The following GCNT2 variants were observed in gnomAD, a reference collection of about 807,000 sequenced individuals.
GCNT2 encodes the protein N-acetyllactosaminide beta-1,6-N-acetylglucosaminyl-transferase.
A neutral mutation model predicts 34.2 loss-of-function variants in GCNT2; 34 were observed. That is an observed-to-expected ratio of 1.00 (90% CI 0.76 to 1.32). The LOEUF (loss-of-function observed/expected upper bound fraction) is 1.32, where lower values mean the gene tolerates loss of function less well. Ranked by LOEUF, GCNT2 falls within the 40% of genes most tolerant of loss-of-function variation. GCNT2 has a pLI of 0.00. For synonymous variants in GCNT2, 212 were observed against 188.0 expected (o/e 1.13, Z -1.04); for missense variants, 584 against 489.4 (o/e 1.19, Z -1.82).
intron 3 of GCNT2, among the ~76,000 whole-genome samples, chr6:10,544,639 TA>T (rs1762185537): frequency 7.3e-6 from 1 of 136,894 alleles, no homozygotes; most frequent in South Asian, 2.3e-4. Context: ...AAATATTAAA[TA>T]AATAAATAAA....
At chr6:10,538,362 C>T (rs900818241) in intron 3 of GCNT2, among the ~76,000 whole-genome samples, 3 of 132,352 alleles carry the variant, frequency 2.3e-5, no homozygotes, top group East Asian at 4.4e-4. Flanking sequence ...GAGCTGAGAT[C>T]GCACCATTGC....
rs529295797 is a variant in GCNT2, at chr6:10,627,646, G to C, written c.*1039G>C. ...ATTCAGCCTTCAATCAACATCTCTT[G>C]AGTGTCTATTATGTACAGGACATGT... On this transcript the variant is annotated 3_prime_UTR_variant, in exon 5 of 5. Coordinates refer to ENST00000495262, the MANE Select transcript of GCNT2 (RefSeq NM_145649.5). 5.9e-5 allele frequency: 9 copies of C among 152,168 alleles called. No individual in the cohort carries two copies. The highest frequency in any genetic ancestry group is 1.7e-4 in the African/African-American group (7 of 41,482). The allele number at this position is 152,168 out of a possible 1,614,324, so 9.4% of individuals were successfully genotyped here.
rs374599892 is a variant in GCNT2, at chr6:10,529,286, T to C, written c.375T>C (p.Cys125=). 65 of 1,614,022 alleles carry C rather than the reference T, an allele frequency of 4.0e-5. No individual in the cohort carries two copies. The highest frequency in any genetic ancestry group is 1.3e-5 in the African/African-American group (1 of 74,906). The change falls in exon 3 of 5, where the codon TGT becomes TGC. Residue 125 remains cysteine (C), a synonymous_variant. Coordinates refer to ENST00000495262, the MANE Select transcript of GCNT2 (RefSeq NM_145649.5). Reference sequence around the variant, plus strand: ...TTTATATGCCCCAAAATGTCTACTGTGTGCACCTGGATCAGAAGGCGACGG... The same window carrying C: ...TTTATATGCCCCAAAATGTCTACTGCGTGCACCTGGATCAGAAGGCGACGG... ...RAIYMPQNVY[C]VHLDQKATDA... is the part of the protein sequence containing the mutation.
chr6:10,591,779 T>C (rs891873106), intron 3 of GCNT2, among the ~76,000 whole-genome samples: 21 of 152,086 alleles, frequency 1.4e-4, no homozygotes, highest in Non-Finnish European at 2.8e-4. Context: ...AAACCAAGAC[T>C]ATAAGAATAT....
intron 3 of GCNT2, among the ~76,000 whole-genome samples, chr6:10,579,833 A>C (rs1209205043): frequency 2.7e-5 from 4 of 148,802 alleles, no homozygotes; most frequent in African/African-American, 1.0e-4. Context: ...AAACAAAAAA[A>C]AAAAAAAAAA....
intron 3 of GCNT2, among the ~76,000 whole-genome samples, chr6:10,590,810 C>T (rs1157811103): frequency 6.6e-6 from 1 of 152,182 alleles, no homozygotes; most frequent in Non-Finnish European, 1.5e-5. Flanking sequence ...CCTCGGCCTC[C>T]CAAAGTGCTG....
At chr6:10,578,445 CTTTTTT>C (rs1211582798) in intron 3 of GCNT2, among the ~76,000 whole-genome samples, 1 of 103,948 alleles carries the variant, frequency 9.6e-6, no homozygotes, top group Non-Finnish European at 1.9e-5. Flanking sequence ...AGCTTACATT[CTTTTTT>C]TTTTTTTTTT....
At chr6:10,615,312 G>A (rs918655465) in intron 3 of GCNT2, among the ~76,000 whole-genome samples, 4 of 152,094 alleles carry the variant, frequency 2.6e-5, no homozygotes, top group African/African-American at 4.8e-5. Context: ...GAGGCCTGGC[G>A]TGGGTCTCAA....
At chr6:10,569,186 A>G (rs1469964933) in intron 3 of GCNT2, among the ~76,000 whole-genome samples, 5 of 138,174 alleles carry the variant, frequency 3.6e-5, no homozygotes. Context: ...TGCCTAGTCA[A>G]CTTCAAATCA....
rs764632923 is a variant in GCNT2, at chr6:10,529,485, G to A, written c.574G>A (p.Gly192Arg). The change falls in exon 3 of 5, where the codon GGG (glycine) becomes AGG (arginine). Residue 192 changes from glycine (G) to arginine (R), a missense_variant. Physicochemically the swap from Gly to Arg is moderately radical, Grantham distance 125. Transcript: ENST00000495262. ...VPWKYVINTC[G>R]QDFPLKTNRE... is the part of the protein sequence containing the mutation. ...CTGGAAGTATGTCATCAACACCTGC[G>A]GGCAAGACTTTCCCCTGAAAACCAA... is the stretch of plus-strand genomic sequence containing the variant. 7 of 1,613,982 alleles carry A rather than the reference G, an allele frequency of 4.3e-6. No individual in the cohort carries two copies. Among genetic ancestry groups the A allele is most frequent in the East Asian group, 2.2e-5 (1 of 44,876 alleles).
At chr6:10,604,403 A>G (rs1205792861) in intron 3 of GCNT2, among the ~76,000 whole-genome samples, 1 of 152,214 alleles carries the variant, frequency 6.6e-6, no homozygotes, top group Admixed American at 6.5e-5. Context: ...ACACTAGCTA[A>G]TTTGAGGGAG....
intron 3 of GCNT2, among the ~76,000 whole-genome samples, chr6:10,615,324 TTC>T: frequency 6.6e-6 from 1 of 152,114 alleles, no homozygotes; most frequent in East Asian, 1.9e-4. Context: ...GGGTCTCAAT[TTC>T]TTTTTTGAGA....
intron 3 of GCNT2, among the ~76,000 whole-genome samples, chr6:10,588,947 GT>G (rs1240349513): frequency 1.4e-5 from 2 of 147,746 alleles, no homozygotes; most frequent in Non-Finnish European, 3.0e-5. Context: ...CGGTGTGTGT[GT>G]TTGTAGTGTG....
intron 3 of GCNT2, among the ~76,000 whole-genome samples, chr6:10,583,697 G>C (rs2127410265): frequency 6.6e-6 from 1 of 152,294 alleles, no homozygotes; most frequent in South Asian, 2.1e-4. Context: ...AAGGAAGTTG[G>C]AGAGGGGGTT....
At chr6:10,610,101 G>GC (rs2127434917) in intron 3 of GCNT2, among the ~76,000 whole-genome samples, 1 of 152,348 alleles carries the variant, frequency 6.6e-6, no homozygotes, top group East Asian at 1.9e-4. Flanking sequence ...GAGATGTTGA[G>GC]CACCTGAGTG....
At chr6:10,583,357 T>A (rs770490717) in intron 3 of GCNT2, among the ~76,000 whole-genome samples, 30 of 152,172 alleles carry the variant, frequency 2.0e-4, no homozygotes, top group Non-Finnish European at 3.2e-4. Flanking sequence ...CTGTTCCAAC[T>A]GGCACAAGCC....
intron 3 of GCNT2, among the ~76,000 whole-genome samples, chr6:10,590,957 CTCTG>C (rs1764615433): frequency 1.3e-5 from 2 of 152,114 alleles, no homozygotes; most frequent in Admixed American, 6.5e-5. Context: ...TTATGTCTAA[CTCTG>C]TCTAACTCTT....
rs373288596 is a variant in GCNT2, at chr6:10,542,393, A to C, written c.925+12557A>C. On this transcript the variant is annotated intron_variant, in intron 3 of 4. Coordinates refer to ENST00000495262, the MANE Select transcript of GCNT2 (RefSeq NM_145649.5). Reference sequence around the variant, plus strand: ...GTGAAATTTATGACATATAATTTACATACCATAAAACTCACCCACTTTTGT... The same window carrying C: ...GTGAAATTTATGACATATAATTTACCTACCATAAAACTCACCCACTTTTGT... Among the ~76,000 whole-genome samples, 4 of 146,720 alleles carry C rather than the reference A, an allele frequency of 2.7e-5. No individual in the cohort carries two copies. The South Asian group carries it at 6.3e-4, about 23-fold the overall frequency.
chr6:10,575,016 G>A (rs532768057), intron 3 of GCNT2: 4 of 669,316 alleles, frequency 6.0e-6, no homozygotes, highest in South Asian at 2.9e-5. Flanking sequence ...CAATGCCAAC[G>A]GCATGCTGGG....
Sources: allele counts gnomAD v4.1 joint callset (sites outside exome capture counted in the v4.1 genomes callset), GRCh38; gene constraint gnomAD v4.1.1; transcripts MANE v1.5; gene names NCBI Gene and HGNC (gene_info 2026-07-23, HGNC 2026-07-21).